The following ARHGEF10 variants were observed in gnomAD, a reference collection of about 807,000 sequenced individuals.
ARHGEF10 encodes Rho guanine nucleotide exchange factor 10, also known as Rho guanine nucleotide exchange factor (GEF) 10.
In ARHGEF10, 140 loss-of-function variants were observed where a neutral mutation model predicts 147.4. The observed-to-expected ratio is 0.95, with a 90% confidence interval of 0.83 to 1.09. The LOEUF is 1.09. Ranked by LOEUF, ARHGEF10 falls within the 50% of genes least tolerant of loss-of-function variation. The pLI is 0.00. For missense variants in ARHGEF10, 2,222 were observed against 1,752.7 expected (o/e 1.27, Z -4.78); for synonymous variants, 902 against 695.8 (o/e 1.30, Z -4.67).
intron 18 of ARHGEF10, among the ~76,000 whole-genome samples, chr8:1,916,112 G>A (rs73671049): frequency 0.011 from 1,691 of 152,342 alleles, 42 homozygotes; most frequent in African/African-American, 0.039. Context: ...TCAGGAAAGT[G>A]CAGCTGGCAC....
At position 1,876,466 on chromosome 8, in the gene ARHGEF10, C is replaced by A. The variant is rs536637111; in HGVS notation, c.680-105C>A. ...GGGTCCTCAGCATGATTCAGATTTCCTTCCACCCCCAGCTCTAGATGATTT... is the reference window on the plus strand; with the variant it reads ...GGGTCCTCAGCATGATTCAGATTTCATTCCACCCCCAGCTCTAGATGATTT... On this transcript the variant is annotated intron_variant, in intron 7 of 28. Coordinates refer to ENST00000349830, the MANE Select transcript of ARHGEF10 (RefSeq NM_014629.4). The A allele has an allele frequency of 4.1e-6, 5 of 1,218,874 alleles. No individual in the cohort carries two copies. In the East Asian group the frequency reaches 9.3e-5, roughly 23 times the overall value. The allele number at this position is 1,218,874 out of a possible 1,614,324, so 75.5% of individuals were successfully genotyped here.
chr8:1,896,864 C>T (rs563841147), intron 14 of ARHGEF10, among the ~76,000 whole-genome samples: 26 of 152,170 alleles, frequency 1.7e-4, no homozygotes, highest in Non-Finnish European at 3.2e-4. Flanking sequence ...CCGAGGGGGA[C>T]GCAGGCTGTG....
At chr8:1,923,156 G>A in intron 19 of ARHGEF10, 77 bp downstream of exon 19, 1 of 1,121,360 alleles carries the variant, frequency 8.9e-7, no homozygotes, top group Non-Finnish European at 1.3e-6. Context: ...ATATCTCCAA[G>A]TTCTACCAGA....
At chr8:1,915,117 C>G (rs1466951578) in intron 18 of ARHGEF10, among the ~76,000 whole-genome samples, 1 of 152,160 alleles carries the variant, frequency 6.6e-6, no homozygotes, top group East Asian at 1.9e-4. Context: ...GATGAACGGC[C>G]TCCCTTCGTA....
chr8:1,945,013 G>C (rs181283713), intron 26 of ARHGEF10, among the ~76,000 whole-genome samples: 5 of 152,252 alleles, frequency 3.3e-5, no homozygotes, highest in African/African-American at 1.2e-4. Flanking sequence ...AAGTTGCTTG[G>C]AGAAGCAGAA....
intron 2 of ARHGEF10, among the ~76,000 whole-genome samples, chr8:1,855,637 T>C (rs560668697): frequency 6.6e-6 from 1 of 151,948 alleles, no homozygotes; most frequent in African/African-American, 2.4e-5. Flanking sequence ...CAATTAGTCC[T>C]CCTTGGCCTT....
At chr8:1,829,603 TTGTG>T (rs1201958754) in intron 1 of ARHGEF10, among the ~76,000 whole-genome samples, 7 of 152,074 alleles carry the variant, frequency 4.6e-5, no homozygotes, top group African/African-American at 1.4e-4. Flanking sequence ...TTTCTGTCGT[TTGTG>T]TGGGCTCTGC....
At chr8:1,873,601 TGA>T (rs769755405) in intron 7 of ARHGEF10, among the ~76,000 whole-genome samples, 1 of 125,404 alleles carries the variant, frequency 8.0e-6, no homozygotes, top group Admixed American at 8.0e-5. Flanking sequence ...CTAGTTGCCT[TGA>T]GAGGTGCCCG....
At chr8:1,849,601 G>GTGGGGCCAGCTGCGTGGACACAGACA (rs1563172699) in intron 2 of ARHGEF10, among the ~76,000 whole-genome samples, 2 of 139,760 alleles carry the variant, frequency 1.4e-5, no homozygotes, top group African/African-American at 5.5e-5. Flanking sequence ...GGACACAGAC[G>GTGGGGCCAGCTGCGTGGACACAGACA]GCAAATGCTG....
chr8:1,925,178 C>G lies in ARHGEF10; in HGVS notation c.2489-105C>G, dbSNP rs1441937387. On this transcript the variant is annotated intron_variant, in intron 21 of 28. Transcript: ENST00000349830. Reference sequence around the variant, plus strand: ...AAACATGGCGTTGTCTGGCCCTGTACAAACAGAATGCCAGAAACTTCCCCT... The same window carrying G: ...AAACATGGCGTTGTCTGGCCCTGTAGAAACAGAATGCCAGAAACTTCCCCT... 59 of 1,436,016 alleles carry G rather than the reference C, an allele frequency of 4.1e-5. 1 individual carries two copies. The East Asian group carries it at 1.4e-3, about 34-fold the overall frequency. 89.0% of individuals were successfully genotyped at this position (1,436,016 alleles called of 1,614,324 possible). A position where few individuals can be genotyped will look rare whatever the true frequency, so the allele number is the denominator to read the frequency against.
chr8:1,908,403 T>A lies in ARHGEF10; in HGVS notation c.1968-892T>A, dbSNP rs187548037. Among the ~76,000 whole-genome samples, 804 of 151,928 alleles carry A rather than the reference T, an allele frequency of 5.3e-3. 15 individuals are homozygous for A. Among genetic ancestry groups the A allele is most frequent in the Admixed American group, 0.043 (663 of 15,252 alleles). The stretch of plus-strand genomic sequence containing the variant: ...CCACCACCACACCCAGCTAATTTTT[T>A]AAATATTTTTAGTAGAGATGGGGTG... On this transcript the variant is annotated intron_variant, in intron 17 of 28. Coordinates refer to ENST00000349830, the MANE Select transcript of ARHGEF10 (RefSeq NM_014629.4).
At position 1,898,491 on chromosome 8, in the gene ARHGEF10, T is replaced by C; in HGVS notation, c.1616T>C (p.Ile539Thr). The change falls in exon 15 of 29, where the codon ATC becomes ACC. Residue 539 changes from isoleucine (I) to threonine (T), a missense_variant. Ile to Thr is a moderately conservative substitution (Grantham distance 89). Transcript: ENST00000349830. ...CTCTACAGCCTGATGATGAAGCCCATCCAGAGGTTCCCACAGTTCATCCTC... is the reference window on the plus strand; with the variant it reads ...CTCTACAGCCTGATGATGAAGCCCACCCAGAGGTTCCCACAGTTCATCCTC... ...TTLYSLMMKP[I>T]QRFPQFILLL... 6.2e-7 allele frequency: 1 copy of C among 1,614,086 alleles called. No individual in the cohort carries two copies.
chr8:1,843,490 C>A, intron 2 of ARHGEF10, 54 bp downstream of exon 2: 1 of 1,398,636 alleles, frequency 7.1e-7, no homozygotes, highest in Non-Finnish European at 1.0e-6. Flanking sequence ...CTGCTCTCAT[C>A]AAGGACGGGG....
chr8:1,875,522 G>C (rs933283426), intron 7 of ARHGEF10, among the ~76,000 whole-genome samples: 4 of 152,190 alleles, frequency 2.6e-5, no homozygotes, highest in Admixed American at 2.6e-4. Flanking sequence ...ACTGCTGGGT[G>C]CCCGGGTGGT....
chr8:1,843,322 C>T (rs776794600), intron 1 of ARHGEF10, 31 bp from the exon 2 acceptor site: 33 of 1,567,814 alleles, frequency 2.1e-5, no homozygotes, highest in South Asian at 5.6e-5. Context: ...TCCACCTGAA[C>T]GGTGACAAGC....
upstream of ARHGEF10, among the ~76,000 whole-genome samples, chr8:1,823,392 C>T (rs901503180): frequency 2.9e-4 from 44 of 151,862 alleles, no homozygotes; most frequent in Non-Finnish European, 2.2e-4. Flanking sequence ...GGTGGGGTCC[C>T]GACGCCCCCT....
intron 9 of ARHGEF10, 75 bp downstream of exon 9, chr8:1,880,239 C>T (rs878932333): frequency 9.8e-7 from 1 of 1,023,114 alleles, no homozygotes. Context: ...CTCGGTCGGT[C>T]CTTGCTGTCT....
rs1250776534 is a variant in ARHGEF10 at position 1,840,650 on chromosome 8, C to T, written c.-47-2703C>T. 1.3e-5 allele frequency among the ~76,000 whole-genome samples: 2 copies of T among 151,014 alleles called. 1 individual carries two copies. The highest frequency in any genetic ancestry group is 3.0e-5 in the Non-Finnish European group (2 of 67,410). ...GTTTGGGGACTGTCCGACGTGGGGA[C>T]TGTCCGGTGTGGGGACTGTCCATTG... On this transcript the variant is annotated intron_variant, in intron 1 of 28. Transcript: ENST00000349830.
In ARHGEF10 at chr8:1,860,118, C is replaced by A; in HGVS notation, c.415C>A (p.Leu139Met). 6.2e-7 allele frequency: 1 copy of A among 1,614,096 alleles called. No individual in the cohort carries two copies. The highest frequency in any genetic ancestry group is 1.3e-5 in the African/African-American group (1 of 75,044). The stretch of plus-strand genomic sequence containing the variant: ...CTGCGGCTATGCGGTGCCCTCCAAC[C>A]TGCCCCTCCTGCTGCCCGCCTACTC... ...VPCGYAVPSN[L>M]PLLLPAYSSP... The change falls in exon 4 of 29, where the codon CTG becomes ATG. Residue 139 changes from leucine to methionine, a missense_variant. Leu to Met is a conservative substitution (Grantham distance 15, BLOSUM62 2). Transcript: ENST00000349830.
Sources: allele counts gnomAD v4.1 joint callset (sites outside exome capture counted in the v4.1 genomes callset), GRCh38; gene constraint gnomAD v4.1.1; transcripts MANE v1.5; gene names NCBI Gene and HGNC (gene_info 2026-07-23, HGNC 2026-07-21).